ATP10B: variants seen among roughly 807,000 people sequenced by gnomAD.
The protein encoded by ATP10B is phospholipid-transporting ATPase VB.
Under a neutral mutation model 141.2 loss-of-function variants are expected in ATP10B, and 122 were observed. That is an observed-to-expected ratio of 0.86 (90% confidence interval 0.75 to 1.00). The LOEUF is 1.00. ATP10B is among the 50% of genes least tolerant of loss of function. The probability of loss-of-function intolerance (pLI) is 0.00; values close to 1 mark genes in which losing one functional copy is unlikely to be tolerated. For missense variants in ATP10B, 1,876 were observed against 1,825.3 expected, an observed-to-expected ratio of 1.03 and a Z score of -0.51; for synonymous variants, 685 against 692.0, an observed-to-expected ratio of 0.99 and a Z score of 0.16.
chr5:160,793,585 A>G (rs10042120), intron 1 of ATP10B, among the ~76,000 whole-genome samples: 68,956 of 152,058 alleles, frequency 0.45, 15,792 homozygotes, highest in East Asian at 0.61. Context: ...CTGTCACCTA[A>G]TGCCGACATC....
rs1367293110 is a variant in ATP10B, at chr5:160,852,199, C to T, written c.-834G>A. On this transcript the variant is annotated 5_prime_UTR_variant, in exon 1 of 26. Transcript: ENST00000327245. ...GGAAAAATAAGCTGCCTCGCTAGGC[C>T]CAAGAGTGAAAGAGAAGAATAGCAA... The T allele has an allele frequency of 1.3e-5, 2 of 151,924 alleles. No homozygotes were observed. The highest frequency in any genetic ancestry group is 1.9e-4 in the East Asian group (1 of 5,198). 9.4% of individuals were successfully genotyped at this position (151,924 alleles called of 1,614,324 possible).
intron 3 of ATP10B, among the ~76,000 whole-genome samples, chr5:160,689,410 C>G (rs899559693): frequency 2.0e-5 from 3 of 152,030 alleles, no homozygotes; most frequent in Non-Finnish European, 4.4e-5. Context: ...TAAAGGTATT[C>G]GAATAGGAAG....
At chr5:160,688,148 C>T (rs1219690090) in intron 4 of ATP10B, 54 bp from the exon 5 acceptor site, 3 of 1,533,650 alleles carry the variant, frequency 2.0e-6, no homozygotes, top group Non-Finnish European at 2.6e-6. Context: ...AGCATGTTGG[C>T]CTGTTCATTT....
chr5:160,678,525 G>A (rs1044130997), intron 6 of ATP10B, among the ~76,000 whole-genome samples: 1 of 152,148 alleles, frequency 6.6e-6, no homozygotes, highest in Admixed American at 6.5e-5. Flanking sequence ...CGGGCATGAT[G>A]GTGCATGCCT....
chr5:160,796,577 T>C (rs1771963187), intron 1 of ATP10B, among the ~76,000 whole-genome samples: 1 of 47,792 alleles, frequency 2.1e-5, no homozygotes, highest in African/African-American at 8.1e-5. Context: ...GGTAGTATTG[T>C]CTTCTTGCCA....
chr5:160,759,734 G>A (rs1768891549), intron 2 of ATP10B, among the ~76,000 whole-genome samples: 3 of 152,238 alleles, frequency 2.0e-5, no homozygotes, highest in African/African-American at 7.2e-5. Context: ...CCTTCCTCAT[G>A]CAAACTTTTC....
At chr5:160,610,210 G>A (rs949939910) in intron 18 of ATP10B, among the ~76,000 whole-genome samples, 2 of 152,132 alleles carry the variant, frequency 1.3e-5, no homozygotes, top group Non-Finnish European at 2.9e-5. Context: ...AAAAGACAGT[G>A]GCTTCCAATT....
At chr5:160,714,851 C>T (rs1196388215) in intron 3 of ATP10B, among the ~76,000 whole-genome samples, 1 of 147,824 alleles carries the variant, frequency 6.8e-6, no homozygotes, top group Admixed American at 6.7e-5. Context: ...CCCTCAGCTG[C>T]AGGTCTGTTG....
intron 1 of ATP10B, among the ~76,000 whole-genome samples, chr5:160,834,265 C>G (rs1775283992): frequency 6.6e-6 from 1 of 151,950 alleles, no homozygotes; most frequent in African/African-American, 2.4e-5. Context: ...GTGGAGGTTG[C>G]AATAAGCCGA....
chr5:160,800,416 C>G (rs1772296709), intron 1 of ATP10B, among the ~76,000 whole-genome samples: 1 of 152,112 alleles, frequency 6.6e-6, no homozygotes, highest in Non-Finnish European at 1.5e-5. Flanking sequence ...GTAGCATTTA[C>G]TAAGTGCAAA....
At chr5:160,874,171 C>T in the ATP10B span, among the ~76,000 whole-genome samples, 2 of 152,126 alleles carry the variant, frequency 1.3e-5, no homozygotes, top group Non-Finnish European at 2.9e-5. Flanking sequence ...GTTCTCCCAG[C>T]ACGCAGCTGG....
chr5:160,628,316 G>A (rs1758716647), intron 13 of ATP10B, among the ~76,000 whole-genome samples: 1 of 152,222 alleles, frequency 6.6e-6, no homozygotes, highest in South Asian at 2.1e-4. Flanking sequence ...GAGACACTGG[G>A]GAACAAGGGG....
intron 1 of ATP10B, among the ~76,000 whole-genome samples, chr5:160,836,510 C>T (rs1775443953): frequency 6.6e-6 from 1 of 152,028 alleles, no homozygotes; most frequent in African/African-American, 2.4e-5. Context: ...ATTTACATTG[C>T]CCTTCCAAAG....
intron 1 of ATP10B, among the ~76,000 whole-genome samples, chr5:160,804,470 A>G (rs1358290743): frequency 1.3e-5 from 2 of 152,194 alleles, no homozygotes; most frequent in African/African-American, 4.8e-5. Flanking sequence ...GCATTATCTT[A>G]CATGTGAGAA....
the ATP10B span, among the ~76,000 whole-genome samples, chr5:160,919,223 C>CAAAAAAAAAAAAAAAAAA: frequency 1.1e-3 from 29 of 26,936 alleles, no homozygotes; most frequent in African/African-American, 2.6e-3. Flanking sequence ...AACTCCGTCT[C>CAAAAAAAAAAAAAAAAAA]AAAAAAAAAA....
At chr5:160,683,818 C>T (rs1202477073) in intron 6 of ATP10B, among the ~76,000 whole-genome samples, 1 of 152,148 alleles carries the variant, frequency 6.6e-6, no homozygotes, top group African/African-American at 2.4e-5. Context: ...GACTCAACTC[C>T]CTTGCTTCTT....
intron 12 of ATP10B, chr5:160,632,583 G>A (rs1482010322): frequency 3.1e-6 from 1 of 325,168 alleles, no homozygotes; most frequent in Non-Finnish European, 5.6e-6. Context: ...ATGTGACTTT[G>A]AGCTTTGACA....
rs148992547 is a variant in ATP10B at position 160,766,126 on chromosome 5, G to C, written c.-331+19433C>G. ...GGTGAGAATGTAAACTAGTATAACC[G>C]CTGTGGAAAACAGTATGGAGATTCC... On this transcript the variant is annotated intron_variant, in intron 2 of 25. Coordinates refer to ENST00000327245, the MANE Select transcript of ATP10B (RefSeq NM_025153.3). 8.9e-4 allele frequency among the ~76,000 whole-genome samples: 133 copies of C among 149,350 alleles called. 1 individual carries two copies. The East Asian group carries it at 0.022, about 25-fold the overall frequency.
At chr5:160,794,960 C>T (rs997523755) in intron 1 of ATP10B, among the ~76,000 whole-genome samples, 2 of 152,112 alleles carry the variant, frequency 1.3e-5, no homozygotes, top group African/African-American at 4.8e-5. Context: ...GCATTTGTCT[C>T]ACTTATTTAT....
Sources: allele counts gnomAD v4.1 joint callset (sites outside exome capture counted in the v4.1 genomes callset), GRCh38; gene constraint gnomAD v4.1.1; transcripts MANE v1.5; gene names NCBI Gene and HGNC (gene_info 2026-07-23, HGNC 2026-07-21).